The following RPL15 variants were observed in gnomAD, a reference collection of about 807,000 sequenced individuals.
The protein encoded by RPL15 is large ribosomal subunit protein eL15.
For missense variants in RPL15, 161 were observed against 271.8 expected, an observed-to-expected ratio of 0.59 and a Z score of 2.87; for synonymous variants, 97 against 95.1, an observed-to-expected ratio of 1.02 and a Z score of -0.12.
intron 3 of RPL15, 85 bp from the exon 4 acceptor site, chr3:23,919,111 A>G (rs1399733363): frequency 4.5e-6 from 4 of 888,294 alleles, no homozygotes; most frequent in Non-Finnish European, 5.5e-6. Flanking sequence ...CTGGTGGTGA[A>G]CTAGAGTTGA....
At position 23,920,293 on chromosome 3, in the gene RPL15, T is replaced by G. The variant is rs1705003219; in HGVS notation, c.*792T>G. The G allele has an allele frequency of 2.0e-6, 2 of 985,674 alleles. No individual in the cohort carries two copies. The highest frequency in any genetic ancestry group is 1.2e-4 in the Admixed American group (2 of 16,262). 61.1% of individuals were successfully genotyped at this position (985,674 alleles called of 1,614,324 possible). ...GGGAAAGTAGTTGGCTATAAGTACG[T>G]CATTCTTAGTCCAGTCAGTCTTAAA... On this transcript the variant is annotated 3_prime_UTR_variant, in exon 4 of 4. Coordinates refer to ENST00000307839, the MANE Select transcript of RPL15 (RefSeq NM_002948.5).
Position 23,918,511 on chromosome 3 carries a change from G to A in RPL15, c.244G>A (p.Gly82Ser), listed in dbSNP as rs1176899362. 4 of 1,613,746 alleles carry A rather than the reference G, an allele frequency of 2.5e-6. No homozygotes were observed. The highest frequency in any genetic ancestry group is 1.7e-5 in the Admixed American group (1 of 59,990). ...KRPVPKGATYGKPVHHGVNQL... is the reference protein window; with the variant it reads ...KRPVPKGATYSKPVHHGVNQL... ...CCCAGTTCCTAAGGGTGCAACTTAC[G>A]GCAAGCCTGTCCATCATGGTGTTAA... Residue 82 changes from glycine to serine, a missense_variant, in exon 3 of 4, where the codon GGC (glycine) becomes AGC (serine). Physicochemically the swap from Gly to Ser is moderately conservative, Grantham distance 56 (BLOSUM62 0). Transcript: ENST00000307839.
chr3:23,919,106 G>C lies in RPL15; in HGVS notation c.310-90G>C, dbSNP rs529958477. The C allele has an allele frequency of 3.0e-5, 25 of 840,328 alleles. No individual in the cohort carries two copies. In the East Asian group the frequency reaches 6.1e-4, roughly 20 times the overall value. The allele number at this position is 840,328 out of a possible 1,614,324, so 52.1% of individuals were successfully genotyped here. A position where few individuals can be genotyped will look rare whatever the true frequency, so the allele number is the denominator to read the frequency against. On this transcript the variant is annotated intron_variant, in intron 3 of 3. Transcript: ENST00000307839. ...GAGTAGTAAAAGACTCTTGTCTGGT[G>C]GTGAACTAGAGTTGAGAATTAAAAT...
chr3:23,917,510 A>G (rs754459208), intron 1 of RPL15: 14 of 189,736 alleles, frequency 7.4e-5, no homozygotes, highest in Non-Finnish European at 1.4e-4. Flanking sequence ...TGGCCGCAGC[A>G]GTACCTTGTC....
chr3:23,920,707 C>T lies in RPL15; in HGVS notation c.*1206C>T. On this transcript the variant is annotated 3_prime_UTR_variant, in exon 4 of 4. Coordinates refer to ENST00000307839, the MANE Select transcript of RPL15 (RefSeq NM_002948.5). ...TCAAAAGACTCAGTTAATTGATTTCCAGGAAGTACTCATAGCAAGTTCATA... is the reference window on the plus strand; with the variant it reads ...TCAAAAGACTCAGTTAATTGATTTCTAGGAAGTACTCATAGCAAGTTCATA... 1 of 984,806 alleles carries T rather than the reference C, an allele frequency of 1.0e-6. No individual in the cohort carries two copies. Among genetic ancestry groups the T allele is most frequent in the African/African-American group, 1.7e-5 (1 of 57,274 alleles). 61.0% of individuals were successfully genotyped at this position (984,806 alleles called of 1,614,324 possible).
downstream of RPL15, chr3:23,923,242 T>C (rs1705146229): frequency 7.0e-6 from 1 of 141,924 alleles, no homozygotes; most frequent in African/African-American, 2.8e-5. Flanking sequence ...TTTTTTGAGA[T>C]GTAGTTTTGC....
Position 23,919,414 on chromosome 3 carries a change from G to A in RPL15, c.528G>A (p.Lys176=). Residue 176 remains lysine, a synonymous_variant, in exon 4 of 4, where the codon AAG becomes AAA. Coordinates refer to ENST00000307839, the MANE Select transcript of RPL15 (RefSeq NM_002948.5). ...GCCGAAAGAGCCGTGGCCTTGGAAA[G>A]GGCCACAAGTTCCACCACACTATTG... is the stretch of plus-strand genomic sequence containing the variant. The part of the protein sequence containing the change: ...SAGRKSRGLG[K]GHKFHHTIGG... The A allele has an allele frequency of 6.2e-7, 1 of 1,604,176 alleles. No homozygotes were observed. The highest frequency in any genetic ancestry group is 8.5e-7 in the Non-Finnish European group (1 of 1,179,964).
At chr3:23,921,768 T>C, downstream of RPL15, 1 of 596,352 alleles carries the variant, frequency 1.7e-6, no homozygotes, top group Non-Finnish European at 3.0e-6. Context: ...AGAGACTGGG[T>C]TTCACTATGT....
chr3:23,921,637 C>T, downstream of RPL15: 1 of 594,514 alleles, frequency 1.7e-6, no homozygotes, highest in Non-Finnish European at 3.1e-6. Flanking sequence ...TGCAGTGGGG[C>T]AATCACGGCT....
At chr3:23,918,937 A>G (rs1704892174) in intron 3 of RPL15, 2 of 536,354 alleles carry the variant, frequency 3.7e-6, no homozygotes, top group East Asian at 3.0e-5. Context: ...TTTGTTACCC[A>G]GATATTAACA....
rs767057529 is a variant in RPL15, at chr3:23,919,179, C to CT, written c.310-11dup. 13 of 1,593,248 alleles carry CT rather than the reference C, an allele frequency of 8.2e-6. No homozygotes were observed. The highest frequency in any genetic ancestry group is 2.2e-5 in the South Asian group (2 of 90,618). ...GCAATGTGGGAGATTGACCTTGGGC[C>CT]TTTTTTCCTATTCTAGGAGCGAGCT... On this transcript the variant is annotated splice_polypyrimidine_tract_variant and intron_variant, in intron 3 of 3. Transcript: ENST00000307839.
Position 23,920,710 on chromosome 3 carries a change from G to A in RPL15, c.*1209G>A. On this transcript the variant is annotated 3_prime_UTR_variant, in exon 4 of 4. Coordinates refer to ENST00000307839, the MANE Select transcript of RPL15 (RefSeq NM_002948.5). ...AAAGACTCAGTTAATTGATTTCCAGGAAGTACTCATAGCAAGTTCATAAAA... is the reference window on the plus strand; with the variant it reads ...AAAGACTCAGTTAATTGATTTCCAGAAAGTACTCATAGCAAGTTCATAAAA... 6 of 984,736 alleles carry A rather than the reference G, an allele frequency of 6.1e-6. No individual in the cohort carries two copies. Among genetic ancestry groups the A allele is most frequent in the Non-Finnish European group, 7.2e-6 (6 of 829,440 alleles). 61.0% of individuals were successfully genotyped at this position (984,736 alleles called of 1,614,324 possible).
chr3:23,916,813 G>T (rs1704575341), upstream of RPL15: 1 of 152,774 alleles, frequency 6.5e-6, no homozygotes, highest in South Asian at 2.1e-4. Context: ...CAAAGACAGC[G>T]GCTCCACCGC....
downstream of RPL15, chr3:23,923,220 AT>A (rs112690573): frequency 0.52 from 64,241 of 123,628 alleles, 14,534 homozygotes; most frequent in Middle Eastern, 0.6. Context: ...GAGGAACTTC[AT>A]TTTTTTTTTT....
chr3:23,918,144 C>G, intron 2 of RPL15, 113 bp downstream of exon 2: 1 of 1,327,780 alleles, frequency 7.5e-7, no homozygotes, highest in Non-Finnish European at 1.0e-6. Context: ...AGGGCTTTGG[C>G]AGAAAAAAGC....
chr3:23,918,897 G>A (rs1310429125), intron 3 of RPL15: 1 of 515,424 alleles, frequency 1.9e-6, no homozygotes, highest in Non-Finnish European at 3.4e-6. Context: ...TCAGTTGTAT[G>A]GAAAAAGATA....
chr3:23,916,755 G>C (rs4263234), upstream of RPL15: 10 of 148,262 alleles, frequency 6.7e-5, no homozygotes, highest in East Asian at 4.0e-4. Flanking sequence ...GACTCCGCAG[G>C]GGGAGAGCCC....
At chr3:23,916,661 G>C (rs2125445920), upstream of RPL15, 1 of 152,734 alleles carries the variant, frequency 6.5e-6, no homozygotes, top group Admixed American at 6.5e-5. Flanking sequence ...GGATCTCTCA[G>C]CGCAGCTCTG....
chr3:23,918,414 C>A, intron 2 of RPL15, 26 bp from the exon 3 acceptor site: 2 of 1,607,056 alleles, frequency 1.2e-6, no homozygotes, highest in Non-Finnish European at 8.5e-7. Flanking sequence ...TATAAAATCA[C>A]TAATTTCGTG....
Sources: gnomAD v4.1 joint callset for allele counts on GRCh38, gnomAD v4.1.1 for gene constraint, MANE v1.5 for transcripts, NCBI Gene and HGNC (gene_info 2026-07-23, HGNC 2026-07-21) for gene names.